The following TRPM3 variants were observed in gnomAD, a reference collection of about 807,000 sequenced individuals.
TRPM3 encodes long transient receptor potential channel 3.
TRPM3 carries 77 observed loss-of-function variants against 181.2 expected under a neutral mutation model. The ratio of observed to expected loss-of-function variants is 0.42; its 90% CI spans 0.35 to 0.51. The LOEUF (loss-of-function observed/expected upper bound fraction) is 0.51, where lower values mean the gene tolerates loss of function less well. Among genes scored for constraint, TRPM3 ranks in the 20% least tolerant of loss-of-function variants. TRPM3 has a pLI of 0.01. For synonymous variants in TRPM3, 745 were observed against 796.4 expected (o/e 0.94, Z 1.09); for missense variants, 1,759 against 2,196.7 (o/e 0.80, Z 3.98).
chr9:71,018,488 T>C (rs1429990330), intron 1 of TRPM3, among the ~76,000 whole-genome samples: 1 of 151,800 alleles, frequency 6.6e-6, no homozygotes, highest in African/African-American at 2.4e-5. Context: ...AAAATGGTCA[T>C]CGTCATATAG....
chr9:70,562,398 A>G (rs2132022778), intron 22 of TRPM3, among the ~76,000 whole-genome samples: 1 of 152,308 alleles, frequency 6.6e-6, no homozygotes, highest in Non-Finnish European at 1.5e-5. Flanking sequence ...ACTAGCTCCC[A>G]CTGCATTAAA....
At chr9:70,589,579 T>A (rs567706535) in intron 22 of TRPM3, among the ~76,000 whole-genome samples, 1 of 152,198 alleles carries the variant, frequency 6.6e-6, no homozygotes. Flanking sequence ...AGGGACTGTT[T>A]GAAAGCAGGC....
chr9:70,932,672 T>C (rs1210180187), intron 1 of TRPM3, among the ~76,000 whole-genome samples: 2 of 152,170 alleles, frequency 1.3e-5, no homozygotes, highest in African/African-American at 4.8e-5. Flanking sequence ...GCACAGATAC[T>C]GTAGCAGGTG....
chr9:71,383,624 G>A (rs1376609000), intron 1 of TRPM3, among the ~76,000 whole-genome samples: 1 of 152,182 alleles, frequency 6.6e-6, no homozygotes, highest in Admixed American at 6.5e-5. Flanking sequence ...TAGTCTAAGA[G>A]TTCAAACTGC....
At chr9:70,921,974 C>CACACACACACACAT (rs1168237101) in intron 1 of TRPM3, among the ~76,000 whole-genome samples, 45 of 150,544 alleles carry the variant, frequency 3.0e-4, no homozygotes, top group African/African-American at 1.1e-3. Flanking sequence ...CACACACACA[C>CACACACACACACAT]ATATAGTTAT....
At chr9:71,069,532 T>C (rs1392628308) in intron 1 of TRPM3, among the ~76,000 whole-genome samples, 1 of 151,830 alleles carries the variant, frequency 6.6e-6, no homozygotes, top group Non-Finnish European at 1.5e-5. Context: ...TACAAACGGT[T>C]ACTATGGGGG....
chr9:70,648,222 A>G (rs1456771680), intron 9 of TRPM3, among the ~76,000 whole-genome samples: 1 of 152,184 alleles, frequency 6.6e-6, no homozygotes, highest in Non-Finnish European at 1.5e-5. Flanking sequence ...TGCCTGTATT[A>G]CCAGCATTTT....
intron 7 of TRPM3, among the ~76,000 whole-genome samples, chr9:70,767,764 C>T (rs2079432412): frequency 6.6e-6 from 1 of 152,138 alleles, no homozygotes; most frequent in Admixed American, 6.6e-5. Flanking sequence ...TGAGGGTTGG[C>T]TTGCATTGCT....
At chr9:71,444,117 T>G (rs1346273932) in intron 1 of TRPM3, among the ~76,000 whole-genome samples, 1 of 144,978 alleles carries the variant, frequency 6.9e-6, no homozygotes, top group African/African-American at 2.6e-5. Context: ...AGGCGGAAGT[T>G]GCAGTGAGCC....
chr9:71,232,491 CTTTTTTTT>C (rs71352362), intron 1 of TRPM3, among the ~76,000 whole-genome samples: 14 of 59,152 alleles, frequency 2.4e-4, no homozygotes, highest in South Asian at 1.4e-3. Flanking sequence ...AATTCAGTGT[CTTTTTTTT>C]TTTTTTTTTT....
At chr9:71,141,309 C>T (rs1363510232) in intron 1 of TRPM3, among the ~76,000 whole-genome samples, 1 of 151,902 alleles carries the variant, frequency 6.6e-6, no homozygotes, top group Admixed American at 6.6e-5. Context: ...GCTAATATTC[C>T]TACGTGATTT....
chr9:71,228,550 T>C (rs541692660), intron 1 of TRPM3, among the ~76,000 whole-genome samples: 37 of 152,286 alleles, frequency 2.4e-4, no homozygotes, highest in African/African-American at 8.2e-4. Context: ...TGTTTGCAGA[T>C]GATAAAATCT....
intron 1 of TRPM3, among the ~76,000 whole-genome samples, chr9:70,926,047 C>T (rs190364582): frequency 3.3e-5 from 5 of 151,380 alleles, no homozygotes; most frequent in Admixed American, 6.6e-5. Context: ...ATCCACAATC[C>T]GCAAGTCTCA....
At chr9:70,992,154 A>C (rs946317843) in intron 1 of TRPM3, among the ~76,000 whole-genome samples, 9 of 152,170 alleles carry the variant, frequency 5.9e-5, no homozygotes, top group Non-Finnish European at 1.0e-4. Flanking sequence ...TCCTTGTACC[A>C]CTTGTGCTAC....
chr9:70,896,733 T>C (rs962510740), intron 1 of TRPM3, among the ~76,000 whole-genome samples: 1 of 151,758 alleles, frequency 6.6e-6, no homozygotes. Flanking sequence ...TCATTGTATA[T>C]CACTCTTGGA....
intron 1 of TRPM3, among the ~76,000 whole-genome samples, chr9:71,232,649 T>C (rs1451664787): frequency 1.3e-5 from 2 of 151,810 alleles, no homozygotes; most frequent in African/African-American, 2.4e-5. Flanking sequence ...TACAGGTGCA[T>C]GCCACCACAC....
At chr9:71,283,246 T>C (rs1465392852) in intron 1 of TRPM3, among the ~76,000 whole-genome samples, 2 of 152,216 alleles carry the variant, frequency 1.3e-5, no homozygotes, top group Admixed American at 6.5e-5. Context: ...TTACTTAGCA[T>C]GATGTCCTTA....
At chr9:71,077,823 G>C (rs1156441173) in intron 1 of TRPM3, among the ~76,000 whole-genome samples, 3 of 151,720 alleles carry the variant, frequency 2.0e-5, no homozygotes, top group Non-Finnish European at 2.9e-5. Flanking sequence ...ACTTATTGTT[G>C]CTAGATTCTA....
intron 1 of TRPM3, among the ~76,000 whole-genome samples, chr9:70,891,036 G>A (rs376172512): frequency 1.3e-5 from 2 of 152,080 alleles, no homozygotes; most frequent in South Asian, 2.1e-4. Flanking sequence ...TGGGGAGAGG[G>A]GGGAGGGATA....
Sources: gnomAD v4.1 joint callset for allele counts (sites outside exome capture counted in the v4.1 genomes callset) on GRCh38, gnomAD v4.1.1 for gene constraint, MANE v1.5 for transcripts, NCBI Gene and HGNC (gene_info 2026-07-23, HGNC 2026-07-21) for gene names.